Variants in GSS observed in about 807,000 individuals in gnomAD.
GSS encodes GSH synthetase.
Under a neutral mutation model 60.4 loss-of-function variants are expected in GSS, and 34 were observed. That is an observed-to-expected ratio of 0.56 (90% CI 0.43 to 0.75). The LOEUF (loss-of-function observed/expected upper bound fraction) is 0.75, where lower values mean the gene tolerates loss of function less well. Among genes scored for constraint, GSS ranks in the 30% least tolerant of loss-of-function variants. The pLI, the probability that GSS is intolerant of heterozygous loss-of-function variation, is 0.00. For missense variants in GSS, 499 were observed against 595.1 expected (o/e 0.84, Z 1.68); for synonymous variants, 224 against 239.0 (o/e 0.94, Z 0.58).
chr20:34,934,759 C>T (rs1184214159), intron 9 of GSS, among the ~76,000 whole-genome samples: 1 of 152,128 alleles, frequency 6.6e-6, no homozygotes, highest in African/African-American at 2.4e-5. Flanking sequence ...GGAGCCCCCT[C>T]AGTTTTCTAG....
chr20:34,945,096 C>T (rs527405393), intron 3 of GSS, among the ~76,000 whole-genome samples: 1 of 151,766 alleles, frequency 6.6e-6, no homozygotes, highest in African/African-American at 2.4e-5. Flanking sequence ...TCTTGGCTTA[C>T]TGCAGCCTCT....
At chr20:34,953,371 C>A (rs904873941) in intron 1 of GSS, among the ~76,000 whole-genome samples, 1 of 152,154 alleles carries the variant, frequency 6.6e-6, no homozygotes, top group African/African-American at 2.4e-5. Flanking sequence ...TGAAAGAATG[C>A]GCATGTGATC....
Position 34,951,778 on chromosome 20 carries a change from C to T in GSS, c.75G>A (p.Arg25=), listed in dbSNP as rs921613586. The part of the protein sequence containing the change: ...LEELARQAVD[R]ALAEGVLLRT... ...TCAGCAATACTCCCTCAGCCAGGGC[C>T]CGGTCCACGGCCTGCCGTGCCAGCT... The change falls in exon 2 of 13, where the codon CGG becomes CGA. Residue 25 remains arginine (R), a synonymous_variant. Coordinates refer to ENST00000651619, the MANE Select transcript of GSS (RefSeq NM_000178.4). 6.2e-7 allele frequency: 1 copy of T among 1,613,838 alleles called. No homozygotes were observed. The highest frequency in any genetic ancestry group is 1.1e-5 in the South Asian group (1 of 90,964).
At chr20:34,943,830 G>A (rs915856156) in intron 3 of GSS, among the ~76,000 whole-genome samples, 4 of 152,202 alleles carry the variant, frequency 2.6e-5, no homozygotes, top group Non-Finnish European at 1.5e-5. Flanking sequence ...TCACAGCTCA[G>A]TGTACTGCCA....
At chr20:34,945,632 T>C (rs1343707951) in intron 3 of GSS, among the ~76,000 whole-genome samples, 4 of 152,114 alleles carry the variant, frequency 2.6e-5, no homozygotes, top group Non-Finnish European at 5.9e-5. Flanking sequence ...CAAATGGAAA[T>C]ATCAGTCTTC....
At chr20:34,945,372 C>T (rs1317729987) in intron 3 of GSS, among the ~76,000 whole-genome samples, 2 of 130,878 alleles carry the variant, frequency 1.5e-5, no homozygotes, top group Non-Finnish European at 3.2e-5. Flanking sequence ...GAAATTGCCC[C>T]AGAATCTGAA....
At chr20:34,936,429 G>A (rs1170608632) in intron 8 of GSS, among the ~76,000 whole-genome samples, 2 of 152,182 alleles carry the variant, frequency 1.3e-5, no homozygotes. Flanking sequence ...CACAGCATGA[G>A]CCAGCTGCTC....
At chr20:34,945,051 C>T (rs964701723) in intron 3 of GSS, among the ~76,000 whole-genome samples, 4 of 151,136 alleles carry the variant, frequency 2.6e-5, no homozygotes, top group African/African-American at 4.9e-5. Flanking sequence ...GATGGAGTCT[C>T]GCTCTGTCGC....
chr20:34,936,828 C>G lies in GSS; in HGVS notation c.702G>C (p.Val234=), dbSNP rs2147125544. ...AGATATCTTCAAATGTTCGTCGGAT[C>G]ACATGGATGTTCCTGGGAAAAATGG... The part of the protein sequence containing the change: ...ENELLARNIH[V]IRRTFEDISE... The change falls in exon 8 of 13, where the codon GTG becomes GTC. Residue 234 remains valine (V), a synonymous_variant. Coordinates refer to ENST00000651619, the MANE Select transcript of GSS (RefSeq NM_000178.4). The G allele has an allele frequency of 3.7e-6, 6 of 1,614,060 alleles. 1 individual carries two copies. The Middle Eastern group carries it at 6.6e-4, about 178-fold the overall frequency.
At chr20:34,942,800 AC>A in intron 4 of GSS, 130 bp downstream of exon 4, 1 of 930,324 alleles carries the variant, frequency 1.1e-6, no homozygotes, top group Non-Finnish European at 1.7e-6. Context: ...ACTGGGATAA[AC>A]CCAGTGAGGA....
At chr20:34,930,092 CCCA>C (rs1025317909) in intron 11 of GSS, among the ~76,000 whole-genome samples, 6 of 151,908 alleles carry the variant, frequency 3.9e-5, no homozygotes, top group African/African-American at 1.5e-4. Flanking sequence ...ATGATGAAAC[CCCA>C]TCTCTACTAA....
At chr20:34,939,188 C>T (rs1011629235) in intron 6 of GSS, among the ~76,000 whole-genome samples, 1 of 151,902 alleles carries the variant, frequency 6.6e-6, no homozygotes, top group Admixed American at 6.6e-5. Flanking sequence ...TGTAGTGAGC[C>T]GAGATCGTGC....
intron 3 of GSS, among the ~76,000 whole-genome samples, chr20:34,944,803 G>C (rs114124344): frequency 6.6e-6 from 1 of 151,982 alleles, no homozygotes; most frequent in Non-Finnish European, 1.5e-5. Flanking sequence ...ACTGTGTTTT[G>C]ACTGCACCTG....
rs1298962939 is a variant in GSS, at chr20:34,950,925, T to A, written c.129+799A>T. ...AGTCACCAAATTAAAAAAGATTTTA[T>A]TTTTTTATTTTTTTTTCTTCCCTAA... On this transcript the variant is annotated intron_variant, in intron 2 of 12. Transcript: ENST00000651619. Among the ~76,000 whole-genome samples, 8 of 152,278 alleles carry A rather than the reference T, an allele frequency of 5.3e-5. No homozygotes were observed. In the East Asian group the frequency reaches 1.5e-3, roughly 29 times the overall value.
rs34158986 is a variant in GSS at position 34,930,533 on chromosome 20, G to A, written c.1111+803C>T. The stretch of plus-strand genomic sequence containing the variant: ...TCATAGCCCTAGCCCAGGCCTCTAC[G>A]TTGCTCTTCTGAACAACTGTATCAG... On this transcript the variant is annotated intron_variant, in intron 11 of 12. Coordinates refer to ENST00000651619, the MANE Select transcript of GSS (RefSeq NM_000178.4). Among the ~76,000 whole-genome samples the A allele has an allele frequency of 9.0e-3, 1,373 of 152,084 alleles. 15 individuals are homozygous for A. Among genetic ancestry groups the A allele is most frequent in the African/African-American group, 0.031 (1,296 of 41,456 alleles).
intron 11 of GSS, 85 bp downstream of exon 11, chr20:34,931,251 G>A: frequency 9.4e-7 from 1 of 1,059,016 alleles, no homozygotes; most frequent in Non-Finnish European, 1.5e-6. Flanking sequence ...GCCCGGGACT[G>A]TGCCCAGAGT....
Position 34,941,963 on chromosome 20 carries a change from T to G in GSS, c.492-134A>C, listed in dbSNP as rs2273684. 0.46 allele frequency: 332,591 copies of G among 724,288 alleles called. 80,898 individuals carry two copies. The highest frequency in any genetic ancestry group is 0.71 in the African/African-American group (41,139 of 58,086). The allele number at this position is 724,288 out of a possible 1,614,324, so 44.9% of individuals were successfully genotyped here. A position where few individuals can be genotyped will look rare whatever the true frequency, so the allele number is the denominator to read the frequency against. ...AAAGCATCCTCCCATCACATTCCTG[T>G]AAGATCCACTTCAGGTTGGAATATG... On this transcript the variant is annotated intron_variant, in intron 5 of 12. Transcript: ENST00000651619.
chr20:34,951,322 A>G (rs1482875299), intron 2 of GSS, among the ~76,000 whole-genome samples: 2 of 152,230 alleles, frequency 1.3e-5, no homozygotes, highest in African/African-American at 2.4e-5. Context: ...TGCACAGAGA[A>G]AGGCTTGAAA....
intron 2 of GSS, among the ~76,000 whole-genome samples, chr20:34,948,493 A>G (rs902504169): frequency 5.3e-5 from 8 of 152,200 alleles, no homozygotes; most frequent in African/African-American, 1.9e-4. Context: ...TTAACATAAA[A>G]TGACATTACT....
Sources: allele counts gnomAD v4.1 joint callset (sites outside exome capture counted in the v4.1 genomes callset), GRCh38; gene constraint gnomAD v4.1.1; transcripts MANE v1.5; gene names NCBI Gene and HGNC (gene_info 2026-07-23, HGNC 2026-07-21).